Variants in IL1RAPL2 observed in about 807,000 individuals in gnomAD.
IL1RAPL2 encodes the protein X-linked interleukin-1 receptor accessory protein-like 2.
In IL1RAPL2, 3 loss-of-function variants were observed where a neutral mutation model predicts 44.1. That is an observed-to-expected ratio of 0.07 (90% CI 0.03 to 0.18). The LOEUF (loss-of-function observed/expected upper bound fraction) is 0.18. IL1RAPL2 is among the 10% of genes least tolerant of loss of function. IL1RAPL2 has a pLI of 1.00. For synonymous variants in IL1RAPL2, 181 were observed against 178.8 expected (o/e 1.01, Z -0.10); for missense variants, 391 against 496.4 (o/e 0.79, Z 2.02).
At chrX:104,857,383 T>G (rs1012314737) in intron 2 of IL1RAPL2, among the ~76,000 whole-genome samples, 2 of 111,855 alleles carry the variant, frequency 1.8e-5, no homozygotes, top group Non-Finnish European at 3.8e-5. Flanking sequence ...ATTGTAAAGA[T>G]GTACCAGATC....
chrX:105,029,357 C>T (rs1049277001), intron 2 of IL1RAPL2, among the ~76,000 whole-genome samples: 2 of 102,484 alleles, frequency 2.0e-5, no homozygotes, highest in African/African-American at 7.1e-5. Context: ...CCCATTAACT[C>T]GTCATTTAGC....
chrX:104,845,853 T>A (rs1922036125), intron 2 of IL1RAPL2, among the ~76,000 whole-genome samples: 1 of 111,895 alleles, frequency 8.9e-6, no homozygotes, highest in South Asian at 3.8e-4. Flanking sequence ...TGTCCCTCCA[T>A]GCCAAGATGG....
chrX:105,299,430 G>A (rs768316339), intron 5 of IL1RAPL2, among the ~76,000 whole-genome samples: 9 of 111,041 alleles, frequency 8.1e-5, no homozygotes, highest in Non-Finnish European at 1.1e-4. Flanking sequence ...TAAGTGTCTC[G>A]GAGTGGGCTG....
At chrX:104,660,303 G>C (rs1418688080) in intron 2 of IL1RAPL2, among the ~76,000 whole-genome samples, 1 of 110,051 alleles carries the variant, frequency 9.1e-6, no homozygotes, top group Non-Finnish European at 1.9e-5. Context: ...TATTTAGAGA[G>C]ATTGCTTAAC....
chrX:105,386,259 C>A (rs772949242), intron 5 of IL1RAPL2, among the ~76,000 whole-genome samples: 50 of 111,748 alleles, frequency 4.5e-4, no homozygotes, highest in Middle Eastern at 4.6e-3. Flanking sequence ...AACCACAAAA[C>A]TAATAAATCT....
chrX:104,930,490 A>C (rs186387910), intron 2 of IL1RAPL2, among the ~76,000 whole-genome samples: 74 of 111,972 alleles, frequency 6.6e-4, no homozygotes, highest in African/African-American at 2.4e-3. Flanking sequence ...AGAACTTTAC[A>C]TGAAGTAACT....
intron 2 of IL1RAPL2, among the ~76,000 whole-genome samples, chrX:104,987,929 C>T (rs2030591854): frequency 9.0e-6 from 1 of 111,629 alleles, no homozygotes; most frequent in African/African-American, 3.3e-5. Flanking sequence ...TGGAAATTTT[C>T]AGTGTTTTTC....
intron 6 of IL1RAPL2, among the ~76,000 whole-genome samples, chrX:105,511,590 A>T (rs1352612700): frequency 9.0e-6 from 1 of 111,679 alleles, no homozygotes; most frequent in African/African-American, 3.3e-5. Context: ...ACAGACTGGG[A>T]CAATGACTTT....
In IL1RAPL2 at chrX:105,403,383, AT is replaced by A. The variant is rs769742376; in HGVS notation, c.698-80922del. Among the ~76,000 whole-genome samples the A allele has an allele frequency of 9.0e-4, 100 of 110,783 alleles. 2 individuals are homozygous for A. The highest frequency in any genetic ancestry group is 7.5e-3 in the Admixed American group (78 of 10,380). ...CAAGTAAATGACATTTTGAAATATT[AT>A]TTTTTTTCTAAAGTATAAAAGACCC... is the stretch of plus-strand genomic sequence containing the variant. On this transcript the variant is annotated intron_variant, in intron 5 of 10. Coordinates refer to ENST00000372582, the MANE Select transcript of IL1RAPL2 (RefSeq NM_017416.2).
chrX:104,863,272 G>T (rs1210598265), intron 2 of IL1RAPL2, among the ~76,000 whole-genome samples: 2 of 111,637 alleles, frequency 1.8e-5, no homozygotes, highest in South Asian at 3.8e-4. Context: ...CTAAAGCCCA[G>T]ATCCAGCCAG....
chrX:105,711,894 G>A (rs1225626154), intron 6 of IL1RAPL2, among the ~76,000 whole-genome samples: 1 of 112,226 alleles, frequency 8.9e-6, no homozygotes, highest in East Asian at 2.8e-4. Context: ...AGAATAATTT[G>A]CTTTGCCTCC....
intron 2 of IL1RAPL2, among the ~76,000 whole-genome samples, chrX:105,067,143 A>G (rs750679948): frequency 3.9e-4 from 44 of 112,043 alleles, no homozygotes; most frequent in Non-Finnish European, 6.9e-4. Flanking sequence ...ATCAGTCTCT[A>G]GGCTGGTTGT....
chrX:105,174,429 T>C (rs1386029645), intron 2 of IL1RAPL2, among the ~76,000 whole-genome samples: 1 of 111,133 alleles, frequency 9.0e-6, no homozygotes, highest in Non-Finnish European at 1.9e-5. Context: ...GCTGTTGACA[T>C]GACATTTTTC....
chrX:104,805,418 T>TTTGA (rs1260033485), intron 2 of IL1RAPL2, among the ~76,000 whole-genome samples: 2 of 112,118 alleles, frequency 1.8e-5, no homozygotes, highest in Non-Finnish European at 3.8e-5. Context: ...GTAGGGGCAA[T>TTTGA]TTGATAGTAA....
Position 105,345,559 on chromosome X carries a change from G to GT in IL1RAPL2, c.697+78028dup, listed in dbSNP as rs1556294460. Reference sequence around the variant, plus strand: ...AAATATTCATCTAATTATCTGGAAAGTTTTTTTTTTCATTTCAGAGACTCA... The same window carrying GT: ...AAATATTCATCTAATTATCTGGAAAGTTTTTTTTTTTCATTTCAGAGACTCA... On this transcript the variant is annotated intron_variant, in intron 5 of 10. Coordinates refer to ENST00000372582, the MANE Select transcript of IL1RAPL2 (RefSeq NM_017416.2). Among the ~76,000 whole-genome samples the GT allele has an allele frequency of 2.7e-3, 292 of 107,595 alleles. 1 individual carries two copies. The highest frequency in any genetic ancestry group is 4.9e-3 in the Non-Finnish European group (251 of 51,567). 93.4% of individuals were successfully genotyped at this position (107,595 alleles called of 115,157 possible).
At chrX:105,003,032 C>T (rs1399652117) in intron 2 of IL1RAPL2, among the ~76,000 whole-genome samples, 1 of 110,891 alleles carries the variant, frequency 9.0e-6, no homozygotes, top group Non-Finnish European at 1.9e-5. Context: ...AATGGGGTTT[C>T]TAAATATTCC....
intron 2 of IL1RAPL2, among the ~76,000 whole-genome samples, chrX:104,977,937 T>C (rs1296829360): frequency 8.9e-6 from 1 of 112,106 alleles, no homozygotes; most frequent in Non-Finnish European, 1.9e-5. Flanking sequence ...AAAGAGGTGA[T>C]AACTTCCAAG....
At chrX:105,226,263 CTG>C (rs782660636) in intron 3 of IL1RAPL2, among the ~76,000 whole-genome samples, 10 of 110,069 alleles carry the variant, frequency 9.1e-5, no homozygotes, top group Non-Finnish European at 7.6e-5. Flanking sequence ...CTCCAATTAA[CTG>C]TTTATTATTT....
chrX:105,075,472 A>G (rs1221208353), intron 2 of IL1RAPL2, among the ~76,000 whole-genome samples: 10 of 111,688 alleles, frequency 9.0e-5, no homozygotes, highest in South Asian at 3.7e-4. Context: ...TTTTGCATCA[A>G]TGTTCATCAA....
Sources: allele counts gnomAD v4.1 joint callset (sites outside exome capture counted in the v4.1 genomes callset), GRCh38; gene constraint gnomAD v4.1.1; transcripts MANE v1.5; gene names NCBI Gene and HGNC (gene_info 2026-07-23, HGNC 2026-07-21).